Variants in SEZ6L observed in about 807,000 individuals in gnomAD.
The protein encoded by SEZ6L is seizure related 6 homolog like.
Under a neutral mutation model 106.2 loss-of-function variants are expected in SEZ6L, and 37 were observed. The ratio of observed to expected loss-of-function variants is 0.35; its 90% CI spans 0.27 to 0.46. The LOEUF (loss-of-function observed/expected upper bound fraction) is 0.46. Ranked by LOEUF, SEZ6L falls within the 20% of genes least tolerant of loss-of-function variation. SEZ6L has a pLI of 1.00. For synonymous variants in SEZ6L, 541 were observed against 570.4 expected (o/e 0.95, Z 0.73); for missense variants, 1,172 against 1,332.8 (o/e 0.88, Z 1.88).
At chr22:26,209,991 G>GAGGAAGGAAGGA (rs1602042033) in intron 1 of SEZ6L, among the ~76,000 whole-genome samples, 5 of 131,472 alleles carry the variant, frequency 3.8e-5, no homozygotes, top group East Asian at 3.4e-4. Flanking sequence ...GGAAGGAAGG[G>GAGGAAGGAAGGA]AGGAAGGAAG....
chr22:26,377,929 T>A (rs1270193100), intron 16 of SEZ6L, among the ~76,000 whole-genome samples, 154 bp downstream of exon 16: 2 of 151,944 alleles, frequency 1.3e-5, no homozygotes, highest in Non-Finnish European at 2.9e-5. Context: ...AGATAAATGC[T>A]GGGAGAACCC....
chr22:26,292,998 C>G lies in SEZ6L; in HGVS notation c.687C>G (p.Ala229=). 6.2e-7 allele frequency: 1 copy of G among 1,614,026 alleles called. No individual in the cohort carries two copies. The highest frequency in any genetic ancestry group is 1.1e-5 in the South Asian group (1 of 91,070). ...PEPGEPGPDM[A]QEAPQEDTSP... ...CCGGGGAGCCTGGGCCTGACATGGC[C>G]CAGGAGGCCCCCCAGGAGGACACCA... is the stretch of plus-strand genomic sequence containing the variant. The change falls in exon 2 of 17, where the codon GCC becomes GCG. Residue 229 remains alanine (A), a synonymous_variant. Transcript: ENST00000248933.
intron 11 of SEZ6L, among the ~76,000 whole-genome samples, chr22:26,348,697 AGAAAGAAG>A (rs1185733162): frequency 1.8e-4 from 17 of 92,638 alleles, no homozygotes; most frequent in Non-Finnish European, 3.2e-4. Flanking sequence ...AAAGAAAGAA[AGAAAGAAG>A]GCAAGGGAGG....
chr22:26,280,268 A>G lies in SEZ6L; in HGVS notation c.95-12138A>G, dbSNP rs200886622. 6.9e-4 allele frequency among the ~76,000 whole-genome samples: 65 copies of G among 94,854 alleles called. 1 individual carries two copies. In the East Asian group the frequency reaches 9.5e-3, roughly 14 times the overall value. The allele number at this position is 94,854 out of a possible 152,430, so 62.2% of individuals were successfully genotyped here. On this transcript the variant is annotated intron_variant, in intron 1 of 16. Transcript: ENST00000248933. ...CCTATAAATACATACGTACATTTAT[A>G]CACATATATATATACATATATATGC...
chr22:26,367,899 GAAGT>G (rs1045495658), intron 13 of SEZ6L, among the ~76,000 whole-genome samples: 1 of 152,228 alleles, frequency 6.6e-6, no homozygotes, highest in African/African-American at 2.4e-5. Flanking sequence ...CCCAGATGGT[GAAGT>G]GAGAAAATTG....
intron 12 of SEZ6L, among the ~76,000 whole-genome samples, chr22:26,362,370 TG>T (rs886350139): frequency 2.3e-4 from 35 of 152,258 alleles, no homozygotes; most frequent in African/African-American, 8.2e-4. Flanking sequence ...GCCTCATCTC[TG>T]GGAGTCTTGT....
At chr22:26,349,210 G>T (rs1338147455) in intron 11 of SEZ6L, among the ~76,000 whole-genome samples, 2 of 152,042 alleles carry the variant, frequency 1.3e-5, no homozygotes. Context: ...CACCTCTGTT[G>T]TTCTCTCTTC....
chr22:26,351,969 G>A (rs2083296830), intron 12 of SEZ6L, among the ~76,000 whole-genome samples: 1 of 152,122 alleles, frequency 6.6e-6, no homozygotes, highest in Non-Finnish European at 1.5e-5. Context: ...GACCAGTCTG[G>A]GCAACATGGC....
intron 13 of SEZ6L, among the ~76,000 whole-genome samples, 186 bp from the exon 14 acceptor site, chr22:26,373,265 T>C (rs1295578769): frequency 6.6e-6 from 1 of 152,236 alleles, no homozygotes; most frequent in Non-Finnish European, 1.5e-5. Flanking sequence ...CATCTTCTCT[T>C]GGTAACTTAG....
intron 9 of SEZ6L, among the ~76,000 whole-genome samples, chr22:26,315,903 A>T (rs984809279): frequency 2.0e-5 from 3 of 151,904 alleles, no homozygotes; most frequent in Admixed American, 6.6e-5. Context: ...ACAAACAATT[A>T]AAAAAACTAG....
At chr22:26,368,584 C>T (rs914431234) in intron 13 of SEZ6L, among the ~76,000 whole-genome samples, 2 of 152,068 alleles carry the variant, frequency 1.3e-5, no homozygotes. Context: ...TCGTGGTTGT[C>T]TAGGGACTGC....
chr22:26,336,155 C>T (rs947030880), intron 9 of SEZ6L, among the ~76,000 whole-genome samples: 1 of 152,182 alleles, frequency 6.6e-6, no homozygotes, highest in African/African-American at 2.4e-5. Context: ...TACTGCAAGG[C>T]CCTTCCCACT....
At chr22:26,317,105 A>C (rs1346994957) in intron 9 of SEZ6L, among the ~76,000 whole-genome samples, 1 of 152,130 alleles carries the variant, frequency 6.6e-6, no homozygotes, top group Non-Finnish European at 1.5e-5. Flanking sequence ...GGAGCAAAGC[A>C]TGGCAGGTGG....
At chr22:26,273,636 G>A (rs926213515) in intron 1 of SEZ6L, among the ~76,000 whole-genome samples, 1 of 152,196 alleles carries the variant, frequency 6.6e-6, no homozygotes, top group East Asian at 1.9e-4. Flanking sequence ...CCACTCCTCC[G>A]CATGCACTGG....
chr22:26,298,962 C>A (rs2145897820), intron 4 of SEZ6L, 22 bp from the exon 5 acceptor site: 1 of 1,535,842 alleles, frequency 6.5e-7, no homozygotes, highest in South Asian at 1.3e-5. Flanking sequence ...ATGACTGAGT[C>A]TGCCTCTGCA....
chr22:26,310,559 T>G, intron 6 of SEZ6L, 111 bp from the exon 7 acceptor site: 1 of 1,194,742 alleles, frequency 8.4e-7, no homozygotes, highest in Non-Finnish European at 1.2e-6. Flanking sequence ...AGAGTTAGGT[T>G]TGGGATCCGG....
At position 26,373,276 on chromosome 22, in the gene SEZ6L, G is replaced by T. The variant is rs375658506; in HGVS notation, c.2795-175G>T. 9.9e-5 allele frequency among the ~76,000 whole-genome samples: 15 copies of T among 152,252 alleles called. No homozygotes were observed. In the East Asian group the frequency reaches 1.4e-3, roughly 14 times the overall value. On this transcript the variant is annotated intron_variant, in intron 13 of 16. Transcript: ENST00000248933. The stretch of plus-strand genomic sequence containing the variant: ...ATCTCATCTTCTCTTGGTAACTTAG[G>T]AAGTGAATAGTCCAGGCACGTTCAC...
intron 1 of SEZ6L, among the ~76,000 whole-genome samples, chr22:26,271,810 C>G (rs565664575): frequency 6.6e-6 from 1 of 152,326 alleles, no homozygotes; most frequent in African/African-American, 2.4e-5. Flanking sequence ...ACTACCCAGC[C>G]TTGGGCATTT....
rs926890428 is a variant in SEZ6L, at chr22:26,252,342, A to C, written c.95-40064A>C. The stretch of plus-strand genomic sequence containing the variant: ...AGACTCTACCAAAGATCCTTGAAAA[A>C]CCCCTTTGCAGAATCATTCCCTACC... On this transcript the variant is annotated intron_variant, in intron 1 of 16. Transcript: ENST00000248933. Among the ~76,000 whole-genome samples the C allele has an allele frequency of 3.3e-5, 5 of 151,660 alleles. No homozygotes were observed. The South Asian group carries it at 6.3e-4, about 19-fold the overall frequency.
Sources: allele counts gnomAD v4.1 joint callset (sites outside exome capture counted in the v4.1 genomes callset), GRCh38; gene constraint gnomAD v4.1.1; transcripts MANE v1.5; gene names NCBI Gene and HGNC (gene_info 2026-07-23, HGNC 2026-07-21).